The following RNF2 variants were observed in gnomAD, a reference collection of about 807,000 sequenced individuals.
The protein encoded by RNF2 is E3 ubiquitin-protein ligase RING2.
RNF2 carries 6 observed loss-of-function variants against 37.2 expected under a neutral mutation model. The ratio of observed to expected loss-of-function variants is 0.16; its 90% CI spans 0.09 to 0.32. The LOEUF (loss-of-function observed/expected upper bound fraction) is 0.32. Ranked by LOEUF, RNF2 falls within the 10% of genes least tolerant of loss-of-function variation. The probability of loss-of-function intolerance (pLI) is 1.00; values close to 1 mark genes in which losing one functional copy is unlikely to be tolerated. For synonymous variants in RNF2, 133 were observed against 132.7 expected (o/e 1.00, Z -0.02); for missense variants, 251 against 404.0 (o/e 0.62, Z 3.25).
intron 1 of RNF2, among the ~76,000 whole-genome samples, chr1:185,063,501 G>GAT (rs1242128138): frequency 2.8e-4 from 43 of 152,262 alleles, no homozygotes; most frequent in Non-Finnish European, 5.9e-4. Flanking sequence ...CAAATAAACC[G>GAT]AAGTTCGCAT....
chr1:185,062,219 A>T (rs1478530736), intron 1 of RNF2, among the ~76,000 whole-genome samples: 5 of 152,192 alleles, frequency 3.3e-5, no homozygotes, highest in African/African-American at 1.2e-4. Flanking sequence ...TGCCATGTTC[A>T]TATTTTGTAA....
chr1:185,056,497 T>C (rs1390420740), intron 1 of RNF2, among the ~76,000 whole-genome samples: 3 of 150,864 alleles, frequency 2.0e-5, no homozygotes, highest in Non-Finnish European at 4.4e-5. Flanking sequence ...TAGGTGGAAC[T>C]ATAGGTGTCT....
intron 1 of RNF2, among the ~76,000 whole-genome samples, chr1:185,047,092 A>T (rs1650142040): frequency 6.6e-6 from 1 of 152,234 alleles, no homozygotes; most frequent in Non-Finnish European, 1.5e-5. Context: ...ATAGGTAGTT[A>T]TAGGTGACTC....
At chr1:185,087,114 C>T (rs1376667189) in intron 1 of RNF2, among the ~76,000 whole-genome samples, 1 of 151,790 alleles carries the variant, frequency 6.6e-6, no homozygotes, top group African/African-American at 2.4e-5. Context: ...TTTTTATTCT[C>T]AAGATTAACA....
At chr1:185,089,358 T>C (rs965307181) in intron 2 of RNF2, among the ~76,000 whole-genome samples, 11 of 152,190 alleles carry the variant, frequency 7.2e-5, no homozygotes, top group African/African-American at 2.4e-4. Flanking sequence ...GCCTAAGTTA[T>C]ATGCAAACAT....
At position 185,100,965 on chromosome 1, in the gene RNF2, C is replaced by G. The variant is rs1350024824; in HGVS notation, c.*664C>G. 6.6e-6 allele frequency: 1 copy of G among 151,846 alleles called. No individual in the cohort carries two copies. The allele number at this position is 151,846 out of a possible 1,614,324, so 9.4% of individuals were successfully genotyped here. A position where few individuals can be genotyped will look rare whatever the true frequency, so the allele number is the denominator to read the frequency against. ...ATTTCTGGTCCTGGGAAGAATCAAA[C>G]AAAATCTTAAGTTCTATGAGAACTT... On this transcript the variant is annotated 3_prime_UTR_variant, in exon 7 of 7. Transcript: ENST00000367510.
intron 1 of RNF2, among the ~76,000 whole-genome samples, chr1:185,051,846 C>T (rs1650280968): frequency 6.8e-6 from 1 of 147,568 alleles, no homozygotes; most frequent in African/African-American, 2.5e-5. Flanking sequence ...TATGTATATA[C>T]ATATTATATA....
At chr1:185,059,340 A>G (rs1293525440) in intron 1 of RNF2, among the ~76,000 whole-genome samples, 4 of 151,990 alleles carry the variant, frequency 2.6e-5, no homozygotes, top group South Asian at 2.1e-4. Context: ...GTTCTTGGCT[A>G]TTTTTGCCTT....
chr1:185,072,395 T>C (rs570879287), intron 1 of RNF2, among the ~76,000 whole-genome samples: 1 of 152,152 alleles, frequency 6.6e-6, no homozygotes, highest in African/African-American at 2.4e-5. Context: ...GTGCAAGGTA[T>C]TGGGGATATT....
intron 1 of RNF2, among the ~76,000 whole-genome samples, chr1:185,077,983 C>A (rs761231018): frequency 6.6e-6 from 1 of 152,196 alleles, no homozygotes; most frequent in Admixed American, 6.5e-5. Flanking sequence ...TGGTGGCTCA[C>A]GCCTGTAATC....
chr1:185,062,512 G>A (rs1285030373), intron 1 of RNF2, among the ~76,000 whole-genome samples: 4 of 152,080 alleles, frequency 2.6e-5, no homozygotes, highest in African/African-American at 9.7e-5. Context: ...ACATGGAATG[G>A]AGTAGCTAGA....
chr1:185,098,999 C>T (rs1159570113), intron 5 of RNF2, among the ~76,000 whole-genome samples: 1 of 149,810 alleles, frequency 6.7e-6, no homozygotes, highest in Non-Finnish European at 1.5e-5. Context: ...ATCCGCCTGC[C>T]TTGGCCTCCC....
intron 1 of RNF2, among the ~76,000 whole-genome samples, chr1:185,086,764 A>G (rs967877153): frequency 1.3e-5 from 2 of 152,252 alleles, no homozygotes; most frequent in African/African-American, 2.4e-5. Flanking sequence ...GAAAAGAGGC[A>G]GAATGACTAG....
intron 1 of RNF2, among the ~76,000 whole-genome samples, chr1:185,069,959 G>A (rs1464628732): frequency 6.6e-6 from 1 of 152,182 alleles, no homozygotes; most frequent in Non-Finnish European, 1.5e-5. Context: ...TTCTGCTTAT[G>A]AGGCACATTA....
At chr1:185,058,951 G>A (rs1311997960) in intron 1 of RNF2, among the ~76,000 whole-genome samples, 1 of 152,132 alleles carries the variant, frequency 6.6e-6, no homozygotes, top group East Asian at 1.9e-4. Context: ...CTGCTTTTGT[G>A]AACCTAAATA....
chr1:185,099,191 A>G (rs903121489), intron 5 of RNF2, among the ~76,000 whole-genome samples: 2 of 151,172 alleles, frequency 1.3e-5, no homozygotes, highest in Non-Finnish European at 2.9e-5. Context: ...AGCTGGGATT[A>G]CACTCACCAC....
At chr1:185,077,971 C>T (rs1035757712) in intron 1 of RNF2, among the ~76,000 whole-genome samples, 2 of 152,172 alleles carry the variant, frequency 1.3e-5, no homozygotes, top group African/African-American at 2.4e-5. Flanking sequence ...AGGGGCCGGG[C>T]GTGGTGGCTC....
chr1:185,055,943 C>T (rs888358061), intron 1 of RNF2, among the ~76,000 whole-genome samples: 1 of 151,878 alleles, frequency 6.6e-6, no homozygotes. Context: ...GGGGTGCTAT[C>T]CTCTAGTAAC....
At chr1:185,063,927 G>A (rs986956147) in intron 1 of RNF2, among the ~76,000 whole-genome samples, 1 of 152,056 alleles carries the variant, frequency 6.6e-6, no homozygotes, top group Non-Finnish European at 1.5e-5. Context: ...AAGGACCTTT[G>A]CAGTTACATT....
Sources: allele counts gnomAD v4.1 joint callset (sites outside exome capture counted in the v4.1 genomes callset), GRCh38; gene constraint gnomAD v4.1.1; transcripts MANE v1.5; gene names NCBI Gene and HGNC (gene_info 2026-07-23, HGNC 2026-07-21).